AP3S1: variants seen among roughly 807,000 people sequenced by gnomAD.
AP3S1 encodes AP-3 complex subunit sigma-1.
In AP3S1, 12 loss-of-function variants were observed where a neutral mutation model predicts 21.3. The observed-to-expected ratio is 0.56, with a 90% CI of 0.36 to 0.91. The LOEUF is 0.91. AP3S1 is among the 40% of genes least tolerant of loss of function. AP3S1 has a pLI of 0.01. For missense variants in AP3S1, 116 were observed against 225.0 expected, an observed-to-expected ratio of 0.52 and a Z score of 3.10; for synonymous variants, 48 against 78.4, an observed-to-expected ratio of 0.61 and a Z score of 2.05.
Position 115,878,776 on chromosome 5 carries a change from A to G in AP3S1, c.273+8648A>G, listed in dbSNP as rs116408178. Among the ~76,000 whole-genome samples the G allele has an allele frequency of 6.4e-3, 981 of 152,252 alleles. 7 individuals carry two copies. The highest frequency in any genetic ancestry group is 9.4e-3 in the Non-Finnish European group (637 of 68,024). On this transcript the variant is annotated intron_variant, in intron 3 of 5. Transcript: ENST00000316788. Reference sequence around the variant, plus strand: ...GATGGGGATAACATTGAATCTATAAATTACGTTGGACAGTGTGGCCATTTT... The same window carrying G: ...GATGGGGATAACATTGAATCTATAAGTTACGTTGGACAGTGTGGCCATTTT...
chr5:115,841,972 A>G lies in AP3S1; in HGVS notation c.-66A>G. 2 of 1,443,842 alleles carry G rather than the reference A, an allele frequency of 1.4e-6. No homozygotes were observed. Among genetic ancestry groups the G allele is most frequent in the Non-Finnish European group, 1.8e-6 (2 of 1,096,244 alleles). 89.4% of individuals were successfully genotyped at this position (1,443,842 alleles called of 1,614,324 possible). A position where few individuals can be genotyped will look rare whatever the true frequency, so the allele number is the denominator to read the frequency against. ...GGGAAGGATCGCAGGCGAGATTACG[A>G]GGCGAGGCTCGCGCGCCCGCCCCCG... On this transcript the variant is annotated 5_prime_UTR_variant, in exon 1 of 6. Transcript: ENST00000316788.
intron 3 of AP3S1, among the ~76,000 whole-genome samples, chr5:115,872,438 T>A (rs1183484168): frequency 1.3e-5 from 2 of 152,166 alleles, no homozygotes; most frequent in African/African-American, 4.8e-5. Context: ...CACAAGGTAA[T>A]CATGGCACAT....
At chr5:115,912,713 G>T (rs1276755787) in intron 5 of AP3S1, among the ~76,000 whole-genome samples, 2 of 151,988 alleles carry the variant, frequency 1.3e-5, no homozygotes, top group African/African-American at 2.4e-5. Flanking sequence ...GCATCAAAGG[G>T]TTGGAATGAT....
At chr5:115,904,932 A>T (rs1751511258) in intron 5 of AP3S1, among the ~76,000 whole-genome samples, 1 of 152,172 alleles carries the variant, frequency 6.6e-6, no homozygotes, top group Non-Finnish European at 1.5e-5. Flanking sequence ...TCTGTAAAAA[A>T]TATTGACCAG....
chr5:115,858,880 T>C (rs928373494), intron 1 of AP3S1, among the ~76,000 whole-genome samples: 8 of 150,962 alleles, frequency 5.3e-5, no homozygotes, highest in East Asian at 1.9e-4. Flanking sequence ...ACTTGGTTTG[T>C]TTCCTCTGAG....
At chr5:115,844,021 G>A (rs1761869740) in intron 1 of AP3S1, among the ~76,000 whole-genome samples, 1 of 152,214 alleles carries the variant, frequency 6.6e-6, no homozygotes, top group Non-Finnish European at 1.5e-5. Flanking sequence ...GTGGTCACTG[G>A]CCGTTTATAG....
At chr5:115,864,302 G>A (rs568217761) in intron 1 of AP3S1, among the ~76,000 whole-genome samples, 2 of 152,272 alleles carry the variant, frequency 1.3e-5, no homozygotes, top group Admixed American at 6.5e-5. Flanking sequence ...GTAAGTGACT[G>A]CCTTTTAAAG....
intron 5 of AP3S1, among the ~76,000 whole-genome samples, chr5:115,904,535 T>G (rs1390726323): frequency 2.0e-5 from 3 of 152,192 alleles, no homozygotes; most frequent in African/African-American, 7.2e-5. Context: ...AAGTTTATAG[T>G]GGTGATTTAG....
chr5:115,912,962 A>G (rs908225921), intron 5 of AP3S1, among the ~76,000 whole-genome samples: 1 of 152,162 alleles, frequency 6.6e-6, no homozygotes. Flanking sequence ...AATAAATGCC[A>G]TTTTAAAAGC....
chr5:115,892,405 C>A (rs565066880), intron 3 of AP3S1, among the ~76,000 whole-genome samples: 1 of 152,268 alleles, frequency 6.6e-6, no homozygotes, highest in African/African-American at 2.4e-5. Flanking sequence ...TGGAAGCAAC[C>A]TAAGTGTTCA....
intron 1 of AP3S1, 29 bp downstream of exon 1, chr5:115,842,135 C>A (rs548944937): frequency 1.3e-6 from 2 of 1,519,214 alleles, no homozygotes; most frequent in East Asian, 2.7e-5. Context: ...CTGATCCGGG[C>A]GAGGGGGAGT....
chr5:115,892,511 G>A (rs1222297343), intron 3 of AP3S1, among the ~76,000 whole-genome samples: 1 of 152,176 alleles, frequency 6.6e-6, no homozygotes, highest in Non-Finnish European at 1.5e-5. Flanking sequence ...AACATGGATG[G>A]ATAGAACTGG....
chr5:115,888,373 T>C (rs1749982098), intron 3 of AP3S1, among the ~76,000 whole-genome samples: 1 of 152,104 alleles, frequency 6.6e-6, no homozygotes, highest in African/African-American at 2.4e-5. Context: ...TTGTCAGTTA[T>C]TTGTTTTTTG....
chr5:115,860,811 A>G (rs1763117901), intron 1 of AP3S1, among the ~76,000 whole-genome samples: 1 of 152,220 alleles, frequency 6.6e-6, no homozygotes, highest in Non-Finnish European at 1.5e-5. Flanking sequence ...TTGGGCAGGC[A>G]ACAAAGGCAG....
chr5:115,850,308 A>T (rs1194693173), intron 1 of AP3S1, among the ~76,000 whole-genome samples: 1 of 152,218 alleles, frequency 6.6e-6, no homozygotes, highest in Non-Finnish European at 1.5e-5. Flanking sequence ...TCCTGTCATT[A>T]ATATATCTTA....
At chr5:115,842,836 C>T (rs114341836) in intron 1 of AP3S1, among the ~76,000 whole-genome samples, 1,658 of 152,294 alleles carry the variant, frequency 0.011, 31 homozygotes, top group African/African-American at 0.038. Flanking sequence ...AAGTAACCGG[C>T]GACGTTTGTA....
chr5:115,907,516 T>C (rs1024550781), intron 5 of AP3S1, among the ~76,000 whole-genome samples: 4 of 152,166 alleles, frequency 2.6e-5, no homozygotes, highest in African/African-American at 9.7e-5. Context: ...AGAAATCTTA[T>C]AAAACTTGAC....
chr5:115,846,942 T>C (rs1312814769), intron 1 of AP3S1, among the ~76,000 whole-genome samples: 2 of 152,134 alleles, frequency 1.3e-5, no homozygotes, highest in African/African-American at 2.4e-5. Flanking sequence ...AAGTGCAGAG[T>C]AGTAGACCGA....
intron 1 of AP3S1, among the ~76,000 whole-genome samples, chr5:115,862,506 C>G (rs1561483989): frequency 6.6e-6 from 1 of 152,128 alleles, no homozygotes; most frequent in Non-Finnish European, 1.5e-5. Flanking sequence ...TGGTGCTACT[C>G]TCAGTGGAGA....
Sources: gnomAD v4.1 joint callset for allele counts (sites outside exome capture counted in the v4.1 genomes callset) on GRCh38, gnomAD v4.1.1 for gene constraint, MANE v1.5 for transcripts, NCBI Gene and HGNC (gene_info 2026-07-23, HGNC 2026-07-21) for gene names.